ABLIM1: variants seen among roughly 807,000 people sequenced by gnomAD.
ABLIM1 encodes the protein actin binding LIM protein 1, also known as actin-binding LIM protein 1.
A neutral mutation model predicts 107.0 loss-of-function variants in ABLIM1; 40 were observed. That is an observed-to-expected ratio of 0.37 (90% CI 0.29 to 0.49). ABLIM1 has a LOEUF of 0.49. Among genes scored for constraint, ABLIM1 ranks in the 20% least tolerant of loss-of-function variants. The probability of loss-of-function intolerance (pLI) is 0.97; values close to 1 mark genes in which losing one functional copy is unlikely to be tolerated. For synonymous variants in ABLIM1, 357 were observed against 357.3 expected, an observed-to-expected ratio of 1.00 and a Z score of 0.01; for missense variants, 857 against 1,008.5, an observed-to-expected ratio of 0.85 and a Z score of 2.04.
At chr10:114,559,730 G>T (rs1295663029) in intron 4 of ABLIM1, among the ~76,000 whole-genome samples, 2 of 152,176 alleles carry the variant, frequency 1.3e-5, no homozygotes, top group Non-Finnish European at 2.9e-5. Context: ...GTATCTTTTT[G>T]CAGGGAGACA....
chr10:114,750,546 A>G (rs541187687), intron 1 of ABLIM1, among the ~76,000 whole-genome samples: 1 of 152,312 alleles, frequency 6.6e-6, no homozygotes, highest in East Asian at 1.9e-4. Context: ...CTATTTGTCA[A>G]TGTTCATAAC....
intron 1 of ABLIM1, among the ~76,000 whole-genome samples, chr10:114,728,006 A>C (rs1355786245): frequency 6.6e-6 from 1 of 152,224 alleles, no homozygotes; most frequent in Non-Finnish European, 1.5e-5. Flanking sequence ...ACAACAAAGA[A>C]TGAACATCCA....
chr10:114,592,143 T>C (rs1230008881), intron 2 of ABLIM1, among the ~76,000 whole-genome samples: 2 of 152,168 alleles, frequency 1.3e-5, no homozygotes, highest in African/African-American at 4.8e-5. Context: ...ACTTATATAA[T>C]ATATAAATAC....
chr10:114,687,199 T>C (rs1015058022), upstream of ABLIM1, among the ~76,000 whole-genome samples: 5 of 152,216 alleles, frequency 3.3e-5, no homozygotes, highest in African/African-American at 1.2e-4. Flanking sequence ...AATATGCAAG[T>C]GTGCCTGTAA....
At chr10:114,563,777 C>T (rs925592858) in intron 4 of ABLIM1, among the ~76,000 whole-genome samples, 8 of 142,416 alleles carry the variant, frequency 5.6e-5, no homozygotes, top group Admixed American at 2.3e-4. Context: ...ACCTGGCAGG[C>T]GGAAGTCGCA....
intron 1 of ABLIM1, among the ~76,000 whole-genome samples, chr10:114,702,688 G>A (rs540460054): frequency 2.6e-5 from 4 of 151,928 alleles, no homozygotes; most frequent in Admixed American, 6.6e-5. Context: ...CACCACGCCC[G>A]GCTAATTTTT....
intron 1 of ABLIM1, among the ~76,000 whole-genome samples, chr10:114,695,460 G>GTTTTTCTAGAGTGGTCA (rs2081175828): frequency 6.6e-6 from 1 of 152,038 alleles, no homozygotes; most frequent in Non-Finnish European, 1.5e-5. Context: ...AATTAAATGG[G>GTTTTTCTAGAGTGGTCA]GGAAAGAAGG....
chr10:114,601,664 T>C (rs2076015432), intron 2 of ABLIM1, 163 bp downstream of exon 2: 1 of 1,175,692 alleles, frequency 8.5e-7, no homozygotes. Flanking sequence ...GTTCTCGCCC[T>C]AGAGTCTAAC....
intron 12 of ABLIM1, among the ~76,000 whole-genome samples, chr10:114,457,241 T>C (rs1390506755): frequency 6.6e-6 from 1 of 152,208 alleles, no homozygotes; most frequent in Non-Finnish European, 1.5e-5. Context: ...TTCCCTTTTC[T>C]AAATTAAACA....
intron 1 of ABLIM1, among the ~76,000 whole-genome samples, chr10:114,643,696 C>A (rs955988202): frequency 6.6e-6 from 1 of 151,786 alleles, no homozygotes; most frequent in Non-Finnish European, 1.5e-5. Context: ...CCCACCCCAG[C>A]CTCCTGAGTA....
chr10:114,787,720 C>T, the ABLIM1 span, among the ~76,000 whole-genome samples: 1 of 133,998 alleles, frequency 7.5e-6, no homozygotes. Context: ...GGGTCAGCCC[C>T]CCGCCCGGCC....
At chr10:114,710,912 T>C (rs1163687094) in intron 1 of ABLIM1, among the ~76,000 whole-genome samples, 4 of 152,352 alleles carry the variant, frequency 2.6e-5, no homozygotes, top group Middle Eastern at 3.4e-3. Flanking sequence ...AGGCAAGGCT[T>C]TGGAGCATTT....
chr10:114,672,379 T>G (rs1337488648), intron 1 of ABLIM1, among the ~76,000 whole-genome samples: 1 of 151,982 alleles, frequency 6.6e-6, no homozygotes, highest in African/African-American at 2.4e-5. Context: ...TTTTGTATTT[T>G]TAGTAGAGAT....
intron 4 of ABLIM1, among the ~76,000 whole-genome samples, chr10:114,564,360 G>A (rs1444091556): frequency 1.3e-5 from 2 of 151,992 alleles, no homozygotes; most frequent in Non-Finnish European, 2.9e-5. Flanking sequence ...CGCCTCCCGG[G>A]TTCAAGCGAT....
At chr10:114,567,252 G>A (rs914875305) in intron 4 of ABLIM1, among the ~76,000 whole-genome samples, 2 of 152,158 alleles carry the variant, frequency 1.3e-5, no homozygotes, top group African/African-American at 4.8e-5. Flanking sequence ...GAAATATCAG[G>A]GACCGGAACA....
intron 1 of ABLIM1, among the ~76,000 whole-genome samples, chr10:114,617,256 C>CTTTTTT (rs780987027): frequency 1.2e-4 from 14 of 120,466 alleles, no homozygotes; most frequent in African/African-American, 1.6e-4. Flanking sequence ...TCACTACCTA[C>CTTTTTT]TTTTTTTTTT....
Position 114,434,340 on chromosome 10 carries a change from C to A in ABLIM1, c.*1920G>T, listed in dbSNP as rs1370381428. 6.7e-6 allele frequency: 1 copy of A among 148,376 alleles called. No homozygotes were observed. The highest frequency in any genetic ancestry group is 2.1e-4 in the South Asian group (1 of 4,666). The allele number at this position is 148,376 out of a possible 1,614,324, so 9.2% of individuals were successfully genotyped here. ...ACACACACACACACACGAGAGTAGT[C>A]CTCATTCAGTGCATAGCAATGGAAG... On this transcript the variant is annotated 3_prime_UTR_variant, in exon 23 of 23. Transcript: ENST00000533213.
chr10:114,629,594 A>G lies in ABLIM1; in HGVS notation c.245-27633T>C, dbSNP rs1456072765. Among the ~76,000 whole-genome samples, 1 of 152,190 alleles carries G rather than the reference A, an allele frequency of 6.6e-6. No individual in the cohort carries two copies. The highest frequency in any genetic ancestry group is 1.5e-5 in the Non-Finnish European group (1 of 68,032). On this transcript the variant is annotated intron_variant, in intron 1 of 22. Transcript: ENST00000533213. The surrounding 1 kb of genome is among the most constrained non-coding windows in gnomAD (Gnocchi z 4.0). ...CTCACCATCTTGTGACAGAGATAGC[A>G]GCTGTCAACACACTGGCAATTGTGG...
chr10:114,630,219 G>C (rs932456702), intron 1 of ABLIM1, among the ~76,000 whole-genome samples: 3 of 152,198 alleles, frequency 2.0e-5, no homozygotes, highest in Non-Finnish European at 4.4e-5. Context: ...AAATGGCTTT[G>C]TAATTCCCTT....
Sources: allele counts gnomAD v4.1 joint callset (sites outside exome capture counted in the v4.1 genomes callset), GRCh38; gene constraint gnomAD v4.1.1; non-coding constraint Gnocchi (gnomAD v3.1); transcripts MANE v1.5; gene names NCBI Gene and HGNC (gene_info 2026-07-23, HGNC 2026-07-21).